The following C12orf42 variants were observed in gnomAD, a reference collection of about 807,000 sequenced individuals.
The protein encoded by C12orf42 is uncharacterized protein C12orf42.
Under a neutral mutation model 21.6 loss-of-function variants are expected in C12orf42, and 25 were observed. That is an observed-to-expected ratio of 1.16 (90% CI 0.84 to 1.62). The LOEUF (loss-of-function observed/expected upper bound fraction) is 1.62. Among genes scored for constraint, C12orf42 ranks in the 40% most tolerant of loss-of-function variants. The probability of loss-of-function intolerance (pLI) is 0.00; values close to 1 mark genes in which losing one functional copy is unlikely to be tolerated. For synonymous variants in C12orf42, 174 were observed against 175.0 expected (o/e 0.99, Z 0.05); for missense variants, 483 against 459.3 (o/e 1.05, Z -0.47).
At chr12:103,238,000 G>A (rs942836829) in intron 10 of C12orf42, 3 of 152,162 alleles carry the variant, frequency 2.0e-5, no homozygotes, top group East Asian at 1.9e-4. Flanking sequence ...CCATCAATGC[G>A]ATTAATATAC....
chr12:103,377,421 G>C (rs2045791693), intron 3 of C12orf42, among the ~76,000 whole-genome samples: 1 of 152,012 alleles, frequency 6.6e-6, no homozygotes, highest in African/African-American at 2.4e-5. Flanking sequence ...TCCAATGACA[G>C]GTCCCTCACC....
chr12:103,529,685 C>A, the C12orf42 span, among the ~76,000 whole-genome samples: 32 of 152,182 alleles, frequency 2.1e-4, no homozygotes, highest in Admixed American at 2.1e-3. Flanking sequence ...TCTTCAGAAA[C>A]CTGGCAGCTG....
intron 2 of C12orf42, among the ~76,000 whole-genome samples, chr12:103,456,451 T>A (rs924991897): frequency 6.6e-6 from 1 of 152,112 alleles, no homozygotes; most frequent in Non-Finnish European, 1.5e-5. Context: ...TTTCTGGAAG[T>A]AAAACTGGCT....
chr12:103,354,114 T>C (rs1005691132), intron 4 of C12orf42, among the ~76,000 whole-genome samples: 4 of 152,172 alleles, frequency 2.6e-5, no homozygotes, highest in African/African-American at 7.2e-5. Flanking sequence ...CAATGAGTCA[T>C]CTGCACAAAA....
chr12:103,121,868 T>A, the C12orf42 span, among the ~76,000 whole-genome samples: 4 of 152,214 alleles, frequency 2.6e-5, no homozygotes, highest in African/African-American at 9.6e-5. Flanking sequence ...ATAACACAAG[T>A]ACTTTAACAT....
At chr12:103,426,566 A>T (rs1248757288) in intron 2 of C12orf42, among the ~76,000 whole-genome samples, 1 of 152,222 alleles carries the variant, frequency 6.6e-6, no homozygotes, top group Non-Finnish European at 1.5e-5. Context: ...GAACTTCCCC[A>T]ACCTAGCAAG....
the C12orf42 span, among the ~76,000 whole-genome samples, chr12:103,172,853 T>G: frequency 1.3e-5 from 2 of 152,162 alleles, no homozygotes; most frequent in Non-Finnish European, 2.9e-5. Context: ...TTGTCAAATA[T>G]ATCTCTTGAA....
the C12orf42 span, among the ~76,000 whole-genome samples, chr12:103,222,703 A>G: frequency 6.6e-6 from 1 of 151,972 alleles, no homozygotes; most frequent in South Asian, 2.1e-4. Flanking sequence ...ACAAATGTAA[A>G]TTTACATATT....
At chr12:103,543,906 T>TTG in the C12orf42 span, among the ~76,000 whole-genome samples, 5,262 of 150,980 alleles carry the variant, frequency 0.035, 306 homozygotes, top group African/African-American at 0.12. Flanking sequence ...GTTTTTTGTT[T>TTG]TTTTTGAGAT....
intron 10 of C12orf42, among the ~76,000 whole-genome samples, chr12:103,263,068 C>T (rs183636887): frequency 1.3e-5 from 2 of 152,080 alleles, no homozygotes; most frequent in African/African-American, 2.4e-5. Context: ...AACCAAATAC[C>T]GCATGTTCTC....
At chr12:103,447,867 G>A (rs1005528936) in intron 2 of C12orf42, among the ~76,000 whole-genome samples, 6 of 151,862 alleles carry the variant, frequency 4.0e-5, no homozygotes, top group Non-Finnish European at 7.4e-5. Context: ...CGACCATACT[G>A]CCAAAAGCAA....
At chr12:103,284,452 C>A (rs554127731) in intron 4 of C12orf42, among the ~76,000 whole-genome samples, 16 of 152,190 alleles carry the variant, frequency 1.1e-4, no homozygotes, top group African/African-American at 3.4e-4. Context: ...CATTGTCTGC[C>A]CACAGGTAGC....
At chr12:103,185,827 G>C in the C12orf42 span, among the ~76,000 whole-genome samples, 1 of 152,136 alleles carries the variant, frequency 6.6e-6, no homozygotes, top group African/African-American at 2.4e-5. Context: ...GTGATTCTGA[G>C]GCCTCCTCAA....
the C12orf42 span, among the ~76,000 whole-genome samples, chr12:103,222,829 C>T: frequency 2.6e-5 from 4 of 151,590 alleles, no homozygotes; most frequent in Non-Finnish European, 4.4e-5. Context: ...GCCACTAATA[C>T]AATAATGATC....
intron 1 of C12orf42, among the ~76,000 whole-genome samples, chr12:103,487,204 C>T (rs957346817): frequency 1.3e-5 from 2 of 152,134 alleles, no homozygotes; most frequent in South Asian, 4.1e-4. Flanking sequence ...GCCTTCATTT[C>T]GTTATTTACC....
intron 4 of C12orf42, among the ~76,000 whole-genome samples, chr12:103,325,759 G>A (rs1289729900): frequency 6.6e-6 from 1 of 152,156 alleles, no homozygotes; most frequent in Non-Finnish European, 1.5e-5. Context: ...TTAAGATAGA[G>A]CTTGTTTTCC....
intron 2 of C12orf42, among the ~76,000 whole-genome samples, chr12:103,449,156 C>G (rs1411386913): frequency 1.3e-5 from 2 of 151,470 alleles, no homozygotes; most frequent in African/African-American, 2.4e-5. Context: ...TACTACGCAA[C>G]CATAAAAAGG....
intron 4 of C12orf42, among the ~76,000 whole-genome samples, chr12:103,329,676 A>G (rs762734188): frequency 6.6e-6 from 1 of 151,858 alleles, no homozygotes; most frequent in African/African-American, 2.4e-5. Flanking sequence ...TTTACAAAAC[A>G]CAAAGGCTTT....
the C12orf42 span, among the ~76,000 whole-genome samples, chr12:103,103,961 C>A: frequency 6.6e-6 from 1 of 152,138 alleles, no homozygotes; most frequent in Non-Finnish European, 1.5e-5. Context: ...CCACCACGCC[C>A]AATAGCTCAC....
Sources: allele counts gnomAD v4.1 joint callset (sites outside exome capture counted in the v4.1 genomes callset), GRCh38; gene constraint gnomAD v4.1.1; transcripts MANE v1.5; gene names NCBI Gene and HGNC (gene_info 2026-07-23, HGNC 2026-07-21).